NISCH: variants seen among roughly 807,000 people sequenced by gnomAD.
NISCH encodes I-1 receptor candidate protein.
NISCH carries 55 observed loss-of-function variants against 138.4 expected under a neutral mutation model. That is an observed-to-expected ratio of 0.40 (90% CI 0.32 to 0.50). NISCH has a LOEUF of 0.50. Ranked by LOEUF, NISCH falls within the 20% of genes least tolerant of loss-of-function variation. The probability of loss-of-function intolerance (pLI) is 0.71; values close to 1 mark genes in which losing one functional copy is unlikely to be tolerated. For synonymous variants in NISCH, 860 were observed against 861.5 expected (o/e 1.00, Z 0.03); for missense variants, 1,643 against 2,005.5 (o/e 0.82, Z 3.45).
In NISCH at chr3:52,489,361, C is replaced by T; in HGVS notation, c.3139C>T (p.Pro1047Ser). 6.2e-7 allele frequency: 1 copy of T among 1,611,850 alleles called. No homozygotes were observed. Among genetic ancestry groups the T allele is most frequent in the Non-Finnish European group, 8.5e-7 (1 of 1,179,012 alleles). ...ASNDQRPQEV[P>S]AEALAPAPAE... ...CAATGACCAGCGTCCCCAGGAGGTC[C>T]CAGCAGAGGCTCTGGCCCCGGCCCC... is the stretch of plus-strand genomic sequence containing the variant. Residue 1047 changes from proline to serine, a missense_variant, in exon 17 of 21, where the codon CCA becomes TCA. Coordinates refer to ENST00000345716, the MANE Select transcript of NISCH (RefSeq NM_007184.4).
intron 13 of NISCH, chr3:52,481,749 A>C (rs1022827640): frequency 4.4e-5 from 43 of 985,350 alleles, no homozygotes; most frequent in Non-Finnish European, 4.7e-5. Context: ...AGCCCCCCAC[A>C]TTGTCGGAGA....
intron 13 of NISCH, chr3:52,480,593 G>C: frequency 7.0e-7 from 1 of 1,434,568 alleles, no homozygotes; most frequent in Non-Finnish European, 9.1e-7. Flanking sequence ...AACAGGCTCG[G>C]GGCTGTTGGC....
At chr3:52,484,741 G>A in intron 14 of NISCH, 104 bp downstream of exon 14, 2 of 1,379,548 alleles carry the variant, frequency 1.4e-6, no homozygotes, top group East Asian at 2.3e-5. Flanking sequence ...TGAGGCAGAT[G>A]CTTCCAGGGT....
intron 1 of NISCH, among the ~76,000 whole-genome samples, chr3:52,457,406 A>G (rs904117645): frequency 6.6e-5 from 10 of 152,244 alleles, no homozygotes; most frequent in African/African-American, 2.2e-4. Context: ...ACCTGGAAAG[A>G]AGTACAACAG....
chr3:52,459,937 T>G (rs1160312293), intron 3 of NISCH, among the ~76,000 whole-genome samples: 1 of 149,260 alleles, frequency 6.7e-6, no homozygotes, highest in East Asian at 2.0e-4. Context: ...TCCCAGCACT[T>G]TGAGAGGCTG....
rs772701427 is a variant in NISCH at position 52,492,248 on chromosome 3, G to T, written c.4281G>T (p.Pro1427=). 6 of 1,613,172 alleles carry T rather than the reference G, an allele frequency of 3.7e-6. No homozygotes were observed. Among genetic ancestry groups the T allele is most frequent in the South Asian group, 1.1e-5 (1 of 91,080 alleles). ...TGCTCATGGGCTACCAGACCTACCC[G>T]CAGGCCCTCACCCTCGTCTTCGATG... The part of the protein sequence containing the change: ...DRVLMGYQTY[P]QALTLVFDDV... The change falls in exon 21 of 21, where the codon CCG becomes CCT. Residue 1427 remains proline, a synonymous_variant. Transcript: ENST00000345716.
At chr3:52,460,738 T>C (rs1706609843) in intron 3 of NISCH, among the ~76,000 whole-genome samples, 1 of 152,206 alleles carries the variant, frequency 6.6e-6, no homozygotes, top group Admixed American at 6.5e-5. Flanking sequence ...CAAGTTGATA[T>C]GGACATATTT....
At chr3:52,485,704 A>T (rs1707384170) in intron 14 of NISCH, 74 bp from the exon 15 acceptor site, 11 of 1,503,286 alleles carry the variant, frequency 7.3e-6, no homozygotes, top group Non-Finnish European at 5.4e-6. Flanking sequence ...TGCCCAGCTC[A>T]GGGTCTGGCA....
chr3:52,464,187 C>G (rs1706715628), intron 3 of NISCH, among the ~76,000 whole-genome samples: 1 of 151,688 alleles, frequency 6.6e-6, no homozygotes, highest in Non-Finnish European at 1.5e-5. Context: ...CACTTGAGGC[C>G]TGGAGTTCGA....
At position 52,471,871 on chromosome 3, in the gene NISCH, C is replaced by T. The variant is rs866358252; in HGVS notation, c.467C>T (p.Ala156Val). The change falls in exon 5 of 21, where the codon GCC (alanine) becomes GTC (valine). Residue 156 changes from alanine (A) to valine (V), a missense_variant. By Grantham distance (64) the Ala-to-Val change is moderately conservative. Transcript: ENST00000345716. ...GCCATTGGACCCCTGCAGCTGTATG[C>T]CGTCACGGAGCAGCTGCAGCAGGGA... The part of the protein sequence containing the change: ...VFAIGPLQLY[A>V]VTEQLQQGKP... 6.2e-7 allele frequency: 1 copy of T among 1,613,730 alleles called. No individual in the cohort carries two copies.
Position 52,487,377 on chromosome 3 carries a change from G to A in NISCH, c.1885G>A (p.Glu629Lys). The A allele has an allele frequency of 2.5e-6, 4 of 1,614,114 alleles. No homozygotes were observed. The South Asian group carries it at 4.4e-5, about 18-fold the overall frequency. The change falls in exon 16 of 21, where the codon GAG becomes AAG. Residue 629 changes from glutamate (E) to lysine (K), a missense_variant. Coordinates refer to ENST00000345716, the MANE Select transcript of NISCH (RefSeq NM_007184.4). The surrounding 1 kb of genome is among the most constrained non-coding windows in gnomAD (Gnocchi z 9.1). ...CTGGATCGAGGCTGCCAACCAGCGG[G>A]AGGAGGGCCAGGGTGAACAGGGCGA... ...PAWIEAANQR[E>K]EGQGEQGEEE...
At chr3:52,477,500 C>CGTCCACT in intron 8 of NISCH, 74 bp from the exon 9 acceptor site, 1 of 1,295,012 alleles carries the variant, frequency 7.7e-7, no homozygotes, top group Non-Finnish European at 1.1e-6. Context: ...CTGGGGTGCC[C>CGTCCACT]GTCCACTGTG....
At position 52,492,534 on chromosome 3, in the gene NISCH, G is replaced by T. The variant is rs1707598958; in HGVS notation, c.*52G>T. On this transcript the variant is annotated 3_prime_UTR_variant, in exon 21 of 21. Transcript: ENST00000345716. ...CCAGCCTGACGCCTACTGGGGCAGG[G>T]CAGCAGGCTTTTGTGTTCTCTAAAA... is the stretch of plus-strand genomic sequence containing the variant. 6.6e-6 allele frequency: 10 copies of T among 1,513,378 alleles called. No homozygotes were observed. The highest frequency in any genetic ancestry group is 8.8e-6 in the Non-Finnish European group (10 of 1,137,590). The allele number at this position is 1,513,378 out of a possible 1,614,324, so 93.7% of individuals were successfully genotyped here. A position where few individuals can be genotyped will look rare whatever the true frequency, so the allele number is the denominator to read the frequency against.
chr3:52,456,841 A>G (rs1475473304), intron 1 of NISCH, among the ~76,000 whole-genome samples: 1 of 152,326 alleles, frequency 6.6e-6, no homozygotes, highest in East Asian at 1.9e-4. Context: ...AACTAGGTGC[A>G]GGAGGCGGGT....
At chr3:52,470,954 T>C (rs1338616149) in intron 4 of NISCH, 47 bp downstream of exon 4, 4 of 1,600,768 alleles carry the variant, frequency 2.5e-6, no homozygotes, top group Non-Finnish European at 3.4e-6. Flanking sequence ...GTTGTGTAGT[T>C]TTATGAGGCG....
Position 52,489,475 on chromosome 3 carries a change from T to A in NISCH, c.3253T>A (p.Leu1085Met). Residue 1085 changes from leucine to methionine, a missense_variant, in exon 17 of 21, where the codon TTG becomes ATG. Coordinates refer to ENST00000345716, the MANE Select transcript of NISCH (RefSeq NM_007184.4). ...PAPAEASTSA[L>M]VPEETPVEAP... ...CCCAGCAGAGGCCTCAACTTCAGCT[T>A]TGGTCCCAGAGGAGACGCCAGTGGA... 1 of 1,606,436 alleles carries A rather than the reference T, an allele frequency of 6.2e-7. No individual in the cohort carries two copies. Among genetic ancestry groups the A allele is most frequent in the Non-Finnish European group, 8.5e-7 (1 of 1,173,876 alleles).
intron 3 of NISCH, among the ~76,000 whole-genome samples, chr3:52,460,823 A>G (rs1706611822): frequency 6.6e-6 from 1 of 152,240 alleles, no homozygotes; most frequent in South Asian, 2.1e-4. Flanking sequence ...AGATTTTCAG[A>G]TAATTTATAT....
At chr3:52,490,860 A>G (rs1707543036) in intron 19 of NISCH, 27 bp downstream of exon 19, 3 of 1,612,680 alleles carry the variant, frequency 1.9e-6, no homozygotes, top group Non-Finnish European at 2.5e-6. Flanking sequence ...GCTTTGTCCT[A>G]TTTCGGGTGA....
intron 5 of NISCH, 91 bp downstream of exon 5, chr3:52,472,068 C>T: frequency 7.3e-7 from 1 of 1,361,576 alleles, no homozygotes; most frequent in Non-Finnish European, 1.0e-6. Flanking sequence ...GTGAAGGAGA[C>T]CATGGGGGAC....
Sources: allele counts gnomAD v4.1 joint callset (sites outside exome capture counted in the v4.1 genomes callset), GRCh38; gene constraint gnomAD v4.1.1; non-coding constraint Gnocchi (gnomAD v3.1); transcripts MANE v1.5; gene names NCBI Gene and HGNC (gene_info 2026-07-23, HGNC 2026-07-21).